SIN3A: variants seen among roughly 807,000 people sequenced by gnomAD.
SIN3A encodes the protein SIN3 transcription regulator family member A.
A neutral mutation model predicts 146.1 loss-of-function variants in SIN3A; 14 were observed. That is an observed-to-expected ratio of 0.10 (90% CI 0.06 to 0.15). The LOEUF (loss-of-function observed/expected upper bound fraction) is 0.15. Among genes scored for constraint, SIN3A ranks in the 10% least tolerant of loss-of-function variants. SIN3A has a pLI of 1.00. For missense variants in SIN3A, 1,028 were observed against 1,576.0 expected, an observed-to-expected ratio of 0.65 and a Z score of 5.89; for synonymous variants, 572 against 572.0, an observed-to-expected ratio of 1.00 and a Z score of 0.00.
intron 2 of SIN3A, among the ~76,000 whole-genome samples, chr15:75,423,856 C>T (rs1019331051): frequency 1.3e-5 from 2 of 151,794 alleles, no homozygotes; most frequent in African/African-American, 4.8e-5. Context: ...AATAGCTGGA[C>T]GTGGTAACAC....
intron 5 of SIN3A, among the ~76,000 whole-genome samples, chr15:75,412,415 T>C (rs951550907): frequency 1.6e-4 from 25 of 152,206 alleles, no homozygotes; most frequent in African/African-American, 4.1e-4. Context: ...AAAATAACCA[T>C]GTGGGCAGCA....
chr15:75,437,907 C>G (rs2074133916), intron 1 of SIN3A, among the ~76,000 whole-genome samples: 1 of 152,148 alleles, frequency 6.6e-6, no homozygotes, highest in Admixed American at 6.5e-5. Context: ...GTAATTCCAG[C>G]ACTCTGGGTG....
chr15:75,427,496 C>T (rs544784125), intron 2 of SIN3A, among the ~76,000 whole-genome samples: 5 of 151,970 alleles, frequency 3.3e-5, no homozygotes, highest in Non-Finnish European at 7.4e-5. Context: ...CCCATCTCCA[C>T]TAAAAATACA....
chr15:75,410,821 G>A (rs1006398559), intron 6 of SIN3A, among the ~76,000 whole-genome samples: 8 of 151,758 alleles, frequency 5.3e-5, no homozygotes, highest in African/African-American at 1.9e-4. Context: ...AGGCCATGGC[G>A]GGTGGATCAC....
At chr15:75,396,857 C>A (rs2073314531) in intron 12 of SIN3A, among the ~76,000 whole-genome samples, 1 of 152,186 alleles carries the variant, frequency 6.6e-6, no homozygotes, top group Non-Finnish European at 1.5e-5. Context: ...AGGAACCAAA[C>A]AGGAGATGAC....
chr15:75,437,931 G>T (rs1377808345), intron 1 of SIN3A, among the ~76,000 whole-genome samples: 2 of 152,110 alleles, frequency 1.3e-5, no homozygotes, highest in Admixed American at 1.3e-4. Flanking sequence ...GAGGAGGAAG[G>T]ATCATTTGAG....
At position 75,412,675 on chromosome 15, in the gene SIN3A, A is replaced by G. The variant is rs1321092937; in HGVS notation, c.756+88T>C. 3.1e-6 allele frequency: 4 copies of G among 1,284,282 alleles called. No homozygotes were observed. The African/African-American group carries it at 4.6e-5, about 15-fold the overall frequency. The allele number at this position is 1,284,282 out of a possible 1,614,324, so 79.6% of individuals were successfully genotyped here. ...AATCTTTGTAACTTTGTTTCTCAGT[A>G]TCTAAGTCTTATATAAAGGGGAAAC... On this transcript the variant is annotated intron_variant, in intron 5 of 20. Coordinates refer to ENST00000394947, the MANE Select transcript of SIN3A (RefSeq NM_001145358.2).
Position 75,400,932 on chromosome 15 carries a change from G to C in SIN3A, c.1535C>G (p.Pro512Arg). ...GTTTTTAAACCAATTAAACAACTCA[G>C]GGAATTTCCTGAAGAATCAAACCAA... ...QLVSPFLGKF[P>R]ELFNWFKNFL... is the part of the protein sequence containing the mutation. Residue 512 changes from proline to arginine, a missense_variant, in exon 11 of 21, where the codon CCT (proline) becomes CGT (arginine). Pro to Arg is a moderately radical substitution (Grantham distance 103). This residue lies in a region of SIN3A where 157 missense variants were observed against 284.8 expected (regional missense o/e 0.55). Transcript: ENST00000394947. 1.9e-6 allele frequency: 3 copies of C among 1,612,454 alleles called. No homozygotes were observed. Among genetic ancestry groups the C allele is most frequent in the Non-Finnish European group, 2.5e-6 (3 of 1,179,548 alleles).
chr15:75,454,348 C>G (rs945624972), upstream of SIN3A, among the ~76,000 whole-genome samples: 2 of 152,108 alleles, frequency 1.3e-5, no homozygotes, highest in Non-Finnish European at 2.9e-5. Context: ...GGGGTCCGCC[C>G]CTCAGCTCCC....
chr15:75,392,793 T>C lies in SIN3A; in HGVS notation c.2300A>G (p.Glu767Gly). The change falls in exon 15 of 21, where the codon GAG becomes GGG. Residue 767 changes from glutamate (E) to glycine (G), a missense_variant. Coordinates refer to ENST00000394947, the MANE Select transcript of SIN3A (RefSeq NM_001145358.2). ...TGGGCCAACAGGTACACCAGCATTC[T>C]CCTCCGTAGCCTGCTCTTGCCTCTG... The part of the protein sequence containing the change: ...YDERQEQATE[E>G]NAGVPVGPHL... 6.2e-7 allele frequency: 1 copy of C among 1,612,178 alleles called. No individual in the cohort carries two copies. The highest frequency in any genetic ancestry group is 8.5e-7 in the Non-Finnish European group (1 of 1,179,160).
chr15:75,402,004 G>A (rs201266059), intron 9 of SIN3A, 34 bp from the exon 10 acceptor site: 2 of 1,423,602 alleles, frequency 1.4e-6, no homozygotes, highest in East Asian at 2.3e-5. Context: ...AACAGTTTTT[G>A]TTTTTCTTAA....
chr15:75,426,929 C>CA (rs201876590), intron 2 of SIN3A, among the ~76,000 whole-genome samples: 234 of 141,702 alleles, frequency 1.7e-3, no homozygotes, highest in Middle Eastern at 7.3e-3. Context: ...GACTCTGTCT[C>CA]AAAAAAAAAA....
chr15:75,407,736 C>CA (rs1159539183), intron 8 of SIN3A, among the ~76,000 whole-genome samples: 2 of 151,138 alleles, frequency 1.3e-5, no homozygotes, highest in African/African-American at 4.9e-5. Context: ...ACTAAAAATA[C>CA]AAAAAAATTA....
chr15:75,373,672 G>A (rs545970787), intron 20 of SIN3A, among the ~76,000 whole-genome samples: 38 of 151,826 alleles, frequency 2.5e-4, no homozygotes, highest in African/African-American at 9.2e-4. Flanking sequence ...CACTTTAGGA[G>A]GCTGAAATGG....
intron 15 of SIN3A, among the ~76,000 whole-genome samples, chr15:75,391,872 G>C (rs1197557166): frequency 1.3e-5 from 2 of 152,192 alleles, no homozygotes; most frequent in Non-Finnish European, 2.9e-5. Flanking sequence ...TAAGCACTAG[G>C]AATTTATGTT....
intron 1 of SIN3A, 26 bp from the exon 2 acceptor site, chr15:75,430,434 G>C (rs1017589730): frequency 1.1e-5 from 17 of 1,521,196 alleles, no homozygotes; most frequent in Non-Finnish European, 1.5e-5. Context: ...GCAATAGCAT[G>C]CAAGTCAATT....
intron 2 of SIN3A, among the ~76,000 whole-genome samples, chr15:75,425,427 C>G (rs143580719): frequency 0.013 from 1,957 of 152,310 alleles, 152 homozygotes; most frequent in Admixed American, 0.11. Context: ...CTTGGGCTCC[C>G]AAAGTGCTGG....
intron 12 of SIN3A, among the ~76,000 whole-genome samples, chr15:75,397,741 G>C (rs1276812367): frequency 6.6e-6 from 1 of 152,164 alleles, no homozygotes; most frequent in Non-Finnish European, 1.5e-5. Flanking sequence ...TTTCATGTTT[G>C]CCCTTGTAGT....
In SIN3A at chr15:75,379,055, A is replaced by G. The variant is rs1404272015; in HGVS notation, c.3383+1574T>C. 3.3e-5 allele frequency among the ~76,000 whole-genome samples: 5 copies of G among 152,042 alleles called. No homozygotes were observed. The South Asian group carries it at 1.0e-3, about 32-fold the overall frequency. On this transcript the variant is annotated intron_variant, in intron 19 of 20. Coordinates refer to ENST00000394947, the MANE Select transcript of SIN3A (RefSeq NM_001145358.2). ...GCTTGGACTACAGGCGCCTGCCACC[A>G]TGCCCAGCTAATTTTCTGTATTTTT...
Sources: allele counts gnomAD v4.1 joint callset (sites outside exome capture counted in the v4.1 genomes callset), GRCh38; gene constraint gnomAD v4.1.1; regional missense constraint gnomAD v4.1.1; transcripts MANE v1.5; gene names NCBI Gene and HGNC (gene_info 2026-07-23, HGNC 2026-07-21).